Variants in CD226 observed in about 807,000 individuals in gnomAD.
CD226 encodes the protein CD226 antigen.
CD226 carries 24 observed loss-of-function variants against 34.9 expected under a neutral mutation model. The observed-to-expected ratio is 0.69, with a 90% CI of 0.50 to 0.97. The LOEUF is 0.97. CD226 is among the 50% of genes least tolerant of loss of function. The probability of loss-of-function intolerance (pLI) is 0.00; values close to 1 mark genes in which losing one functional copy is unlikely to be tolerated. For synonymous variants in CD226, 148 were observed against 147.4 expected (o/e 1.00, Z -0.03); for missense variants, 397 against 412.7 (o/e 0.96, Z 0.33).
At chr18:69,937,507 G>C (rs951958940) in intron 2 of CD226, among the ~76,000 whole-genome samples, 1 of 151,834 alleles carries the variant, frequency 6.6e-6, no homozygotes, top group African/African-American at 2.4e-5. Context: ...TTATTTTTTT[G>C]CCTCAAATAA....
Position 69,902,874 on chromosome 18 carries a change from G to A in CD226, c.383-6829C>T, listed in dbSNP as rs114634723. ...ATAGTAGTAGCTCCAGTAGCTTCAC[G>A]TATTCCCAACTGTGCCTAGACTATG... On this transcript the variant is annotated intron_variant, in intron 2 of 5. Coordinates refer to ENST00000582621, the MANE Select transcript of CD226 (RefSeq NM_001303618.2). 5.0e-3 allele frequency among the ~76,000 whole-genome samples: 764 copies of A among 152,120 alleles called. 5 individuals carry two copies. Among genetic ancestry groups the A allele is most frequent in the African/African-American group, 0.018 (733 of 41,534 alleles).
intron 4 of CD226, 86 bp downstream of exon 4, chr18:69,873,058 G>C (rs1312191762): frequency 1.3e-6 from 1 of 790,934 alleles, no homozygotes; most frequent in African/African-American, 1.7e-5. Flanking sequence ...ATATGTGAAT[G>C]CTGAGACAGC....
chr18:69,857,844 G>A lies in CD226; in HGVS notation c.*6470C>T, dbSNP rs1313656780. On this transcript the variant is annotated 3_prime_UTR_variant, in exon 6 of 6. Coordinates refer to ENST00000582621, the MANE Select transcript of CD226 (RefSeq NM_001303618.2). Reference sequence around the variant, plus strand: ...GTTTCTATAGGTCAAATGATACACAGTATAATTTTGTGGCATTTTGATTAC... The same window carrying A: ...GTTTCTATAGGTCAAATGATACACAATATAATTTTGTGGCATTTTGATTAC... 1 of 152,122 alleles carries A rather than the reference G, an allele frequency of 6.6e-6. No individual in the cohort carries two copies. The highest frequency in any genetic ancestry group is 1.5e-5 in the Non-Finnish European group (1 of 68,012). The allele number at this position is 152,122 out of a possible 1,614,324, so 9.4% of individuals were successfully genotyped here. A position where few individuals can be genotyped will look rare whatever the true frequency, so the allele number is the denominator to read the frequency against.
chr18:69,917,401 T>G (rs1365106932), intron 2 of CD226, among the ~76,000 whole-genome samples: 1 of 152,232 alleles, frequency 6.6e-6, no homozygotes, highest in East Asian at 1.9e-4. Context: ...GCACCATCTT[T>G]CCTTCCCTCC....
intron 2 of CD226, 33 bp from the exon 3 acceptor site, chr18:69,896,078 T>C (rs762681445): frequency 3.2e-6 from 5 of 1,571,760 alleles, no homozygotes; most frequent in South Asian, 1.1e-5. Flanking sequence ...TAGATACAGG[T>C]TGTCAAATTT....
At chr18:69,872,913 G>C (rs113266402) in intron 4 of CD226, among the ~76,000 whole-genome samples, 1 of 152,274 alleles carries the variant, frequency 6.6e-6, no homozygotes, top group Non-Finnish European at 1.5e-5. Context: ...ATAAAGAGCA[G>C]AGGCATCAGG....
In CD226 at chr18:69,859,436, T is replaced by A. The variant is rs1233516343; in HGVS notation, c.*4878A>T. 1 of 152,024 alleles carries A rather than the reference T, an allele frequency of 6.6e-6. No individual in the cohort carries two copies. Among genetic ancestry groups the A allele is most frequent in the Non-Finnish European group, 1.5e-5 (1 of 68,004 alleles). 9.4% of individuals were successfully genotyped at this position (152,024 alleles called of 1,614,324 possible). ...AGTTTAACTAAGAGTACTGGCAAGG[T>A]CATAAGAAATAAATGCCAAATATTG... On this transcript the variant is annotated 3_prime_UTR_variant, in exon 6 of 6. Transcript: ENST00000582621.
At chr18:69,884,557 G>A (rs1004128558) in intron 3 of CD226, among the ~76,000 whole-genome samples, 3 of 152,102 alleles carry the variant, frequency 2.0e-5, no homozygotes, top group Non-Finnish European at 4.4e-5. Context: ...TGTCTTTCTC[G>A]AGGACCTGGG....
At chr18:69,924,692 C>CAAAAAA (rs56118102) in intron 2 of CD226, among the ~76,000 whole-genome samples, 964 of 57,116 alleles carry the variant, frequency 0.017, 129 homozygotes, top group Non-Finnish European at 0.019. Context: ...AAGGTATTGC[C>CAAAAAA]AAAAAAAAAA....
At chr18:69,943,533 T>C (rs2055751352) in intron 2 of CD226, among the ~76,000 whole-genome samples, 1 of 152,224 alleles carries the variant, frequency 6.6e-6, no homozygotes, top group Admixed American at 6.5e-5. Context: ...GTACCATTTA[T>C]TCAGAATAAG....
intron 2 of CD226, among the ~76,000 whole-genome samples, chr18:69,939,199 A>G (rs537239925): frequency 2.6e-5 from 4 of 152,342 alleles, no homozygotes; most frequent in African/African-American, 9.6e-5. Flanking sequence ...TATGAGCCTT[A>G]AAGACCCTTT....
At chr18:69,949,533 A>G (rs2055829291), upstream of CD226, among the ~76,000 whole-genome samples, 1 of 152,152 alleles carries the variant, frequency 6.6e-6, no homozygotes, top group African/African-American at 2.4e-5. Context: ...GGTCCCCCTA[A>G]GTACTCCTCC....
chr18:69,878,561 C>T (rs1984019845), intron 3 of CD226, among the ~76,000 whole-genome samples: 1 of 152,048 alleles, frequency 6.6e-6, no homozygotes, highest in Non-Finnish European at 1.5e-5. Flanking sequence ...GTGAAGAAAG[C>T]AAGTCACTTA....
At chr18:69,959,964 T>A (rs1470040550), upstream of CD226, among the ~76,000 whole-genome samples, 2 of 152,088 alleles carry the variant, frequency 1.3e-5, no homozygotes, top group East Asian at 3.9e-4. Flanking sequence ...ATGCAGGCAA[T>A]GGCTGGGCAC....
intron 2 of CD226, among the ~76,000 whole-genome samples, chr18:69,920,669 G>A (rs1263605918): frequency 2.6e-5 from 4 of 152,086 alleles, no homozygotes; most frequent in African/African-American, 7.2e-5. Flanking sequence ...AATGAGGCAC[G>A]ATGTGTGATA....
At chr18:69,950,979 G>T (rs2055848612), upstream of CD226, among the ~76,000 whole-genome samples, 1 of 126,960 alleles carries the variant, frequency 7.9e-6, no homozygotes, top group South Asian at 2.4e-4. Flanking sequence ...TTTTGTGTGT[G>T]TGTGTGTGTG....
chr18:69,937,034 T>C (rs750811020), intron 2 of CD226, among the ~76,000 whole-genome samples: 1 of 152,224 alleles, frequency 6.6e-6, no homozygotes, highest in Non-Finnish European at 1.5e-5. Context: ...TCTTCCTTCC[T>C]TCTGAATTTG....
chr18:69,958,949 G>A (rs2055916948), upstream of CD226, among the ~76,000 whole-genome samples: 1 of 152,074 alleles, frequency 6.6e-6, no homozygotes, highest in Non-Finnish European at 1.5e-5. Context: ...TCTCTGTAGA[G>A]GTTTATCCTC....
chr18:69,923,749 C>T (rs975436571), intron 2 of CD226, among the ~76,000 whole-genome samples: 3 of 152,082 alleles, frequency 2.0e-5, no homozygotes, highest in Admixed American at 6.5e-5. Flanking sequence ...GTCAGGAGAT[C>T]GAGACCATCC....
Sources: gnomAD v4.1 joint callset for allele counts (sites outside exome capture counted in the v4.1 genomes callset) on GRCh38, gnomAD v4.1.1 for gene constraint, MANE v1.5 for transcripts, NCBI Gene and HGNC (gene_info 2026-07-23, HGNC 2026-07-21) for gene names.